VWC2: variants seen among roughly 807,000 people sequenced by gnomAD.
VWC2 encodes von Willebrand factor C domain containing 2, also known as brorin.
A neutral mutation model predicts 29.8 loss-of-function variants in VWC2; 14 were observed. The ratio of observed to expected loss-of-function variants is 0.47; its 90% confidence interval spans 0.31 to 0.74. The LOEUF is 0.74. VWC2 is among the 30% of genes least tolerant of loss of function. VWC2 has a pLI of 0.05. For synonymous variants in VWC2, 213 were observed against 199.0 expected, an observed-to-expected ratio of 1.07 and a Z score of -0.59; for missense variants, 457 against 459.8, an observed-to-expected ratio of 0.99 and a Z score of 0.05.
chr7:49,775,639 C>G lies in VWC2; in HGVS notation c.204C>G (p.Asp68Glu). 2 of 1,529,312 alleles carry G rather than the reference C, an allele frequency of 1.3e-6. No homozygotes were observed. Among genetic ancestry groups the G allele is most frequent in the Non-Finnish European group, 1.8e-6 (2 of 1,141,066 alleles). The allele number at this position is 1,529,312 out of a possible 1,614,324, so 94.7% of individuals were successfully genotyped here. A position where few individuals can be genotyped will look rare whatever the true frequency, so the allele number is the denominator to read the frequency against. Residue 68 changes from aspartate to glutamate, a missense_variant, in exon 2 of 4, where the codon GAC becomes GAG. Physicochemically the swap from Asp to Glu is conservative, Grantham distance 45 (BLOSUM62 2). This residue lies in a region of VWC2 where 272 missense variants were observed against 202.7 expected (regional missense o/e 1.34). Transcript: ENST00000340652. The part of the protein sequence containing the change: ...RVNELGRPAR[D>E]EGGSGRDWKS... ...ACGAGCTCGGGCGCCCGGCGAGGGA[C>G]GAGGGCGGCAGCGGCCGGGACTGGA...
intron 3 of VWC2, among the ~76,000 whole-genome samples, chr7:49,869,228 AT>A (rs1791034083): frequency 6.6e-6 from 1 of 152,214 alleles, no homozygotes; most frequent in South Asian, 2.1e-4. Flanking sequence ...ATTGACTATA[AT>A]TCCATGAGAT....
intron 3 of VWC2, among the ~76,000 whole-genome samples, chr7:49,862,050 T>G (rs1331228104): frequency 6.6e-6 from 1 of 152,212 alleles, no homozygotes; most frequent in African/African-American, 2.4e-5. Flanking sequence ...TTGTATTGAC[T>G]CTGTAGATTT....
intron 2 of VWC2, among the ~76,000 whole-genome samples, chr7:49,779,061 C>G (rs1003664167): frequency 2.1e-5 from 3 of 142,358 alleles, no homozygotes; most frequent in South Asian, 2.3e-4. Context: ...GAGAGAGAGA[C>G]AGAGACAGAG....
chr7:49,860,387 A>G (rs1790601130), intron 3 of VWC2, among the ~76,000 whole-genome samples: 1 of 152,212 alleles, frequency 6.6e-6, no homozygotes, highest in African/African-American at 2.4e-5. Flanking sequence ...TTCACTTACC[A>G]TAATGTTTTC....
chr7:49,797,703 A>G (rs1026338531), intron 2 of VWC2, among the ~76,000 whole-genome samples: 5 of 152,208 alleles, frequency 3.3e-5, no homozygotes, highest in African/African-American at 1.2e-4. Context: ...CAGGACTGGA[A>G]TGAATAAATG....
intron 3 of VWC2, among the ~76,000 whole-genome samples, chr7:49,875,799 TA>T (rs1214826108): frequency 6.6e-6 from 1 of 152,136 alleles, no homozygotes; most frequent in East Asian, 1.9e-4. Flanking sequence ...AGTAACCATT[TA>T]TTGTTAGTAT....
intron 3 of VWC2, among the ~76,000 whole-genome samples, chr7:49,828,369 C>G (rs967830379): frequency 2.0e-5 from 3 of 152,088 alleles, no homozygotes; most frequent in Non-Finnish European, 2.9e-5. Flanking sequence ...CTATGGCTTA[C>G]AAGTAAACAC....
chr7:49,852,519 T>C (rs556425015), intron 3 of VWC2, among the ~76,000 whole-genome samples: 222 of 152,226 alleles, frequency 1.5e-3, no homozygotes, highest in Non-Finnish European at 2.7e-3. Flanking sequence ...CTTCTTAAAA[T>C]TGGGGGGGCA....
At chr7:49,908,387 G>A (rs1467896277) in intron 3 of VWC2, among the ~76,000 whole-genome samples, 1 of 152,096 alleles carries the variant, frequency 6.6e-6, no homozygotes, top group African/African-American at 2.4e-5. Flanking sequence ...TTGGTTTACA[G>A]GTCTTAGTGT....
intron 2 of VWC2, among the ~76,000 whole-genome samples, chr7:49,779,067 C>T (rs1446974552): frequency 6.6e-6 from 1 of 151,236 alleles, no homozygotes; most frequent in Non-Finnish European, 1.5e-5. Context: ...GAGACAGAGA[C>T]AGAGAGAGAG....
chr7:49,800,115 T>C (rs7796178), intron 2 of VWC2, among the ~76,000 whole-genome samples: 5,368 of 152,286 alleles, frequency 0.035, 328 homozygotes, highest in African/African-American at 0.12. Flanking sequence ...CATGCTGGCC[T>C]GTGTGCATGC....
intron 3 of VWC2, among the ~76,000 whole-genome samples, chr7:49,862,300 C>CT (rs147122195): frequency 0.062 from 9,498 of 152,110 alleles, 978 homozygotes; most frequent in African/African-American, 0.22. Flanking sequence ...GAAAAACAGC[C>CT]TTTTTTTGTG....
intron 3 of VWC2, among the ~76,000 whole-genome samples, chr7:49,811,084 A>G (rs1583643463): frequency 6.6e-6 from 1 of 152,322 alleles, no homozygotes; most frequent in East Asian, 1.9e-4. Flanking sequence ...ACAAGCCACA[A>G]ACTTTGAGAA....
chr7:49,784,126 T>C (rs1040776517), intron 2 of VWC2, among the ~76,000 whole-genome samples: 17 of 152,338 alleles, frequency 1.1e-4, no homozygotes, highest in African/African-American at 4.1e-4. Context: ...GTTATTTGTA[T>C]AAATTGATGG....
At chr7:49,882,796 G>C (rs891545493) in intron 3 of VWC2, among the ~76,000 whole-genome samples, 3 of 152,018 alleles carry the variant, frequency 2.0e-5, no homozygotes, top group African/African-American at 7.2e-5. Context: ...TTTTCTAAAA[G>C]GAAATTCAAG....
intron 3 of VWC2, among the ~76,000 whole-genome samples, chr7:49,833,377 T>A (rs946201169): frequency 2.0e-5 from 3 of 152,212 alleles, no homozygotes; most frequent in South Asian, 4.1e-4. Context: ...AGCCAGCATG[T>A]TCTGCCCCTT....
At chr7:49,881,887 G>A (rs970021260) in intron 3 of VWC2, among the ~76,000 whole-genome samples, 1 of 151,800 alleles carries the variant, frequency 6.6e-6, no homozygotes, top group African/African-American at 2.4e-5. Flanking sequence ...TAATAAAAGA[G>A]ACAAATATTA....
chr7:49,797,918 A>G (rs750429805), intron 2 of VWC2, among the ~76,000 whole-genome samples: 1 of 152,224 alleles, frequency 6.6e-6, no homozygotes, highest in African/African-American at 2.4e-5. Context: ...CATTTCTGCC[A>G]TAAGGTATTC....
chr7:49,803,305 C>T (rs944438240), intron 3 of VWC2, among the ~76,000 whole-genome samples: 2 of 152,196 alleles, frequency 1.3e-5, no homozygotes, highest in Non-Finnish European at 2.9e-5. Flanking sequence ...GATCAGAAGC[C>T]TTGCTTACTT....
Sources: allele counts gnomAD v4.1 joint callset (sites outside exome capture counted in the v4.1 genomes callset), GRCh38; gene constraint gnomAD v4.1.1; regional missense constraint gnomAD v4.1.1; transcripts MANE v1.5; gene names NCBI Gene and HGNC (gene_info 2026-07-23, HGNC 2026-07-21).